Variants in TMEM204 observed in about 807,000 individuals in gnomAD.
The protein encoded by TMEM204 is claudin-like protein 24.
Under a neutral mutation model 19.4 loss-of-function variants are expected in TMEM204, and 15 were observed. That is an observed-to-expected ratio of 0.77 (90% CI 0.52 to 1.19). The LOEUF is 1.19. Among genes scored for constraint, TMEM204 ranks in the 50% most tolerant of loss-of-function variants. The probability of loss-of-function intolerance (pLI) is 0.00; values close to 1 mark genes in which losing one functional copy is unlikely to be tolerated. For synonymous variants in TMEM204, 161 were observed against 146.0 expected (o/e 1.10, Z -0.74); for missense variants, 287 against 321.2 (o/e 0.89, Z 0.81).
At chr16:1,529,611 G>A (rs545528020), upstream of TMEM204, among the ~76,000 whole-genome samples, 149 of 152,346 alleles carry the variant, frequency 9.8e-4, no homozygotes, top group Middle Eastern at 3.4e-3. Context: ...AGCCCCTCAG[G>A]CTGTGCTGCC....
rs182050591 is a variant in TMEM204, at chr16:1,543,619, G to A, written c.436+1543G>A. Reference sequence around the variant, plus strand: ...CTCTGCATGCCCAACTTCGAAAAGGGTAATTTCTGCCCCCACCCAACTGAC... The same window carrying A: ...CTCTGCATGCCCAACTTCGAAAAGGATAATTTCTGCCCCCACCCAACTGAC... On this transcript the variant is annotated intron_variant, in intron 2 of 2. Coordinates refer to ENST00000566264, the MANE Select transcript of TMEM204 (RefSeq NM_024600.6). 9.2e-5 allele frequency among the ~76,000 whole-genome samples: 14 copies of A among 152,352 alleles called. No individual in the cohort carries two copies. The East Asian group carries it at 2.5e-3, about 27-fold the overall frequency.
chr16:1,530,544 C>T (rs1462215764), upstream of TMEM204, among the ~76,000 whole-genome samples: 2 of 151,650 alleles, frequency 1.3e-5, no homozygotes, highest in Non-Finnish European at 1.5e-5. Context: ...GGCTCCTTTC[C>T]TCTCCCTTGT....
At chr16:1,540,335 T>C (rs2031511659) in intron 1 of TMEM204, among the ~76,000 whole-genome samples, 1 of 152,266 alleles carries the variant, frequency 6.6e-6, no homozygotes, top group African/African-American at 2.4e-5. Flanking sequence ...TTCCAACGGA[T>C]ACTTCTAACC....
chr16:1,532,386 C>G (rs533363656), upstream of TMEM204: 2 of 152,336 alleles, frequency 1.3e-5, no homozygotes, highest in Non-Finnish European at 1.5e-5. Context: ...GGACCCAGCA[C>G]GCACCACGGG....
chr16:1,553,900 G>A lies in TMEM204; in HGVS notation c.437-882G>A. 1 of 1,271,662 alleles carries A rather than the reference G, an allele frequency of 7.9e-7. No homozygotes were observed. The highest frequency in any genetic ancestry group is 1.0e-6 in the Non-Finnish European group (1 of 978,522). 78.8% of individuals were successfully genotyped at this position (1,271,662 alleles called of 1,614,324 possible). On this transcript the variant is annotated intron_variant, in intron 2 of 2. Transcript: ENST00000566264. The surrounding 1 kb of genome is among the most constrained non-coding windows in gnomAD (Gnocchi z 4.4). ...GTCACGAAACCCTGATTTTCCTGTT[G>A]TAAGAACTAAAAAGGTCTTTGGAGC...
rs1289240149 is a variant in TMEM204 at position 1,551,654 on chromosome 16, G to T, written c.437-3128G>T. On this transcript the variant is annotated intron_variant, in intron 2 of 2. Coordinates refer to ENST00000566264, the MANE Select transcript of TMEM204 (RefSeq NM_024600.6). This position sits in a 1 kb window ranked among gnomAD's most constrained non-coding sequence, Gnocchi z 4.0. Reference sequence around the variant, plus strand: ...AACGTCCAGCACATTCCTCACTGTCGAACCCAACTTCAGGACATGCTTGTT... The same window carrying T: ...AACGTCCAGCACATTCCTCACTGTCTAACCCAACTTCAGGACATGCTTGTT... Among the ~76,000 whole-genome samples, 1 of 152,180 alleles carries T rather than the reference G, an allele frequency of 6.6e-6. No individual in the cohort carries two copies. The highest frequency in any genetic ancestry group is 2.4e-5 in the African/African-American group (1 of 41,432).
chr16:1,548,078 T>C (rs1304579768), intron 2 of TMEM204, among the ~76,000 whole-genome samples: 4 of 152,222 alleles, frequency 2.6e-5, no homozygotes, highest in African/African-American at 7.2e-5. Flanking sequence ...TGTTGAGAGC[T>C]TCGGAGCCTC....
At chr16:1,545,949 C>T (rs923209726) in intron 2 of TMEM204, among the ~76,000 whole-genome samples, 4 of 152,234 alleles carry the variant, frequency 2.6e-5, no homozygotes, top group African/African-American at 9.6e-5. Context: ...TGTGCGGGGA[C>T]CCCACTGTCC....
chr16:1,534,604 G>A lies in TMEM204; in HGVS notation c.280+49G>A, dbSNP rs749212458. 3.1e-6 allele frequency: 5 copies of A among 1,597,560 alleles called. No individual in the cohort carries two copies. The East Asian group carries it at 1.1e-4, about 36-fold the overall frequency. On this transcript the variant is annotated intron_variant, in intron 1 of 2. Coordinates refer to ENST00000566264, the MANE Select transcript of TMEM204 (RefSeq NM_024600.6). The stretch of plus-strand genomic sequence containing the variant: ...GCCTTCAGCGTGGCCGAGGCTCGAG[G>A]GCACATGGGAGATGTTAGGCGCGGA...
intron 2 of TMEM204, among the ~76,000 whole-genome samples, chr16:1,543,291 T>C (rs529093225): frequency 6.6e-6 from 1 of 152,366 alleles, no homozygotes; most frequent in African/African-American, 2.4e-5. Flanking sequence ...ATTCTAGGAA[T>C]AATGATCCTG....
upstream of TMEM204, chr16:1,531,511 C>G (rs1480466865): frequency 6.6e-6 from 1 of 152,396 alleles, no homozygotes; most frequent in Non-Finnish European, 1.5e-5. The surrounding 1 kb of genome is among the most constrained non-coding windows in gnomAD (Gnocchi z 4.7). Flanking sequence ...TCCACCGTGA[C>G]CAAGACCCCA....
rs949790038 is a variant in TMEM204 at position 1,534,329 on chromosome 16, C to T, written c.54C>T (p.Leu18=). The T allele has an allele frequency of 6.2e-7, 1 of 1,612,850 alleles. No individual in the cohort carries two copies. The highest frequency in any genetic ancestry group is 8.5e-7 in the Non-Finnish European group (1 of 1,179,904). The change falls in exon 1 of 3, where the codon CTC becomes CTT. Residue 18 remains leucine (L), a synonymous_variant. Coordinates refer to ENST00000566264, the MANE Select transcript of TMEM204 (RefSeq NM_024600.6). Reference sequence around the variant, plus strand: ...CCGTGCTGGTGGCCCTGGTCTCACTCATCCTCAACAACGTGGCGGCCTTCA... The same window carrying T: ...CCGTGCTGGTGGCCCTGGTCTCACTTATCCTCAACAACGTGGCGGCCTTCA... ...AAAVLVALVS[L]ILNNVAAFTS...
At chr16:1,537,168 G>A (rs1329482759) in intron 1 of TMEM204, among the ~76,000 whole-genome samples, 1 of 152,250 alleles carries the variant, frequency 6.6e-6, no homozygotes, top group Non-Finnish European at 1.5e-5. Context: ...AACCAGTCTA[G>A]GGTCGGGGTG....
chr16:1,541,577 AC>A (rs1473958262), intron 1 of TMEM204: 2 of 864,482 alleles, frequency 2.3e-6, no homozygotes, highest in East Asian at 1.2e-4. Context: ...TCCCACCTCC[AC>A]CCCCACGCCA....
chr16:1,529,039 C>T (rs1006767443), upstream of TMEM204, among the ~76,000 whole-genome samples: 4 of 152,164 alleles, frequency 2.6e-5, no homozygotes, highest in Non-Finnish European at 4.4e-5. Context: ...AGGGGCTGGA[C>T]GCAGGTTCCT....
chr16:1,529,624 C>G (rs1385903631), upstream of TMEM204, among the ~76,000 whole-genome samples: 1 of 152,228 alleles, frequency 6.6e-6, no homozygotes, highest in East Asian at 1.9e-4. Context: ...GTGCTGCCCT[C>G]GGTCCTCTAG....
Position 1,554,941 on chromosome 16 carries a change from C to T in TMEM204, c.596C>T (p.Ala199Val), listed in dbSNP as rs1225233495. The change falls in exon 3 of 3, where the codon GCC (alanine) becomes GTC (valine). Residue 199 changes from alanine (A) to valine (V), a missense_variant. Ala to Val is a moderately conservative substitution (Grantham distance 64). Transcript: ENST00000566264. ...CTCCACAAGAGGGAGGACTGCATGG[C>T]CCCCCGGGTGATTGTCATCAGCCGC... The part of the protein sequence containing the change: ...NILHKREDCM[A>V]PRVIVISRSL... The T allele has an allele frequency of 1.2e-6, 2 of 1,614,014 alleles. No homozygotes were observed. Among genetic ancestry groups the T allele is most frequent in the South Asian group, 2.2e-5 (2 of 91,082 alleles).
At position 1,541,460 on chromosome 16, in the gene TMEM204, C is replaced by T. The variant is rs370396926; in HGVS notation, c.281-461C>T. On this transcript the variant is annotated intron_variant, in intron 1 of 2. Transcript: ENST00000566264. Reference sequence around the variant, plus strand: ...GGGCAGCTGAGCACGCAGGACAGCACGCCTGAGGAGCTGGCCCCCCGCGGA... The same window carrying T: ...GGGCAGCTGAGCACGCAGGACAGCATGCCTGAGGAGCTGGCCCCCCGCGGA... 908 of 985,398 alleles carry T rather than the reference C, an allele frequency of 9.2e-4. 8 individuals carry two copies. Among genetic ancestry groups the T allele is most frequent in the African/African-American group, 5.0e-3 (287 of 57,350 alleles). The allele number at this position is 985,398 out of a possible 1,614,324, so 61.0% of individuals were successfully genotyped here.
At chr16:1,540,415 G>A (rs1275024246) in intron 1 of TMEM204, among the ~76,000 whole-genome samples, 1 of 152,206 alleles carries the variant, frequency 6.6e-6, no homozygotes, top group East Asian at 1.9e-4. Context: ...CAGCGTGCCT[G>A]CCCCGTGCAC....
Sources: gnomAD v4.1 joint callset for allele counts (sites outside exome capture counted in the v4.1 genomes callset) on GRCh38, gnomAD v4.1.1 for gene constraint, Gnocchi (gnomAD v3.1) non-coding constraint, MANE v1.5 for transcripts, NCBI Gene and HGNC (gene_info 2026-07-23, HGNC 2026-07-21) for gene names.